Variants in WDR64 observed in about 807,000 individuals in gnomAD.
The protein encoded by WDR64 is WD repeat-containing protein 64.
Under a neutral mutation model 139.3 loss-of-function variants are expected in WDR64, and 112 were observed. The observed-to-expected ratio is 0.80, with a 90% CI of 0.69 to 0.94. The LOEUF (loss-of-function observed/expected upper bound fraction) is 0.94, where lower values mean the gene tolerates loss of function less well. WDR64 is among the 40% of genes least tolerant of loss of function. The probability of loss-of-function intolerance (pLI) is 0.00; values close to 1 mark genes in which losing one functional copy is unlikely to be tolerated. For synonymous variants in WDR64, 444 were observed against 437.7 expected, an observed-to-expected ratio of 1.01 and a Z score of -0.18; for missense variants, 1,206 against 1,293.1, an observed-to-expected ratio of 0.93 and a Z score of 1.03.
chr1:241,763,911 C>T (rs551029487), intron 15 of WDR64, among the ~76,000 whole-genome samples: 14 of 152,120 alleles, frequency 9.2e-5, no homozygotes, highest in Middle Eastern at 3.4e-3. Context: ...GCTGGGGAGA[C>T]GGGGAGGTTT....
intron 15 of WDR64, among the ~76,000 whole-genome samples, chr1:241,764,300 C>T (rs1035834314): frequency 4.6e-5 from 7 of 152,102 alleles, no homozygotes; most frequent in Non-Finnish European, 8.8e-5. Context: ...ACAGATTTGA[C>T]AGGGACAGGA....
chr1:241,674,655 C>A lies in WDR64; in HGVS notation c.391C>A (p.Arg131=). Residue 131 remains arginine, a synonymous_variant, in exon 4 of 28, where the codon CGA becomes AGA. Coordinates refer to ENST00000437684, the MANE Select transcript of WDR64 (RefSeq NM_001367482.1). ...TATGCTGTTGACAGGTAGTAGAAGA[C>A]GAGATGTGATTAAGAGCATTGTCAA... The part of the protein sequence containing the change: ...RRILISGSRR[R]DVIKSIVKIP... 6.5e-7 allele frequency: 1 copy of A among 1,546,292 alleles called. No individual in the cohort carries two copies. The highest frequency in any genetic ancestry group is 8.7e-7 in the Non-Finnish European group (1 of 1,143,148).
chr1:241,709,885 C>T (rs764943863), intron 8 of WDR64, among the ~76,000 whole-genome samples: 17 of 151,866 alleles, frequency 1.1e-4, no homozygotes, highest in Non-Finnish European at 1.9e-4. Context: ...TTGAGACAGG[C>T]GGGTTCCCCT....
chr1:241,745,362 T>G (rs1242534162), intron 13 of WDR64, among the ~76,000 whole-genome samples: 1 of 133,088 alleles, frequency 7.5e-6, no homozygotes, highest in Non-Finnish European at 1.7e-5. Flanking sequence ...GCCCTTCACG[T>G]GGATCGGTTC....
chr1:241,744,386 C>G lies in WDR64; in HGVS notation c.1471-7C>G, dbSNP rs1313020762. 4 of 1,613,484 alleles carry G rather than the reference C, an allele frequency of 2.5e-6. No homozygotes were observed. Among genetic ancestry groups the G allele is most frequent in the Non-Finnish European group, 3.4e-6 (4 of 1,179,882 alleles). ...GGATTACTTGATATTTTCGTTCTTT[C>G]CCATAGGTATGGGAACTCGAGACTG... On this transcript the variant is annotated splice_polypyrimidine_tract_variant and splice_region_variant and intron_variant, in intron 12 of 27. Transcript: ENST00000437684.
Position 241,791,166 on chromosome 1 carries a change from G to A in WDR64, c.2997+470G>A, listed in dbSNP as rs1659204692. The stretch of plus-strand genomic sequence containing the variant: ...CCAGGCATGGTGATAAGCGCCTGTA[G>A]TCCCAGCTACTCAGGAGGCTGAGGC... On this transcript the variant is annotated intron_variant, in intron 25 of 27. Transcript: ENST00000437684. Among the ~76,000 whole-genome samples the A allele has an allele frequency of 3.3e-5, 5 of 152,082 alleles. No homozygotes were observed. The South Asian group carries it at 1.0e-3, about 32-fold the overall frequency.
At chr1:241,664,149 T>C (rs1428389213) in intron 2 of WDR64, among the ~76,000 whole-genome samples, 5 of 152,250 alleles carry the variant, frequency 3.3e-5, no homozygotes, top group African/African-American at 4.8e-5. Context: ...CAGGATCTAA[T>C]CTCTATCACA....
At chr1:241,658,610 G>T (rs1396749490) in intron 1 of WDR64, among the ~76,000 whole-genome samples, 1 of 144,346 alleles carries the variant, frequency 6.9e-6, no homozygotes, top group East Asian at 2.0e-4. Context: ...CTGCACTCCA[G>T]CCTGAGTGAC....
chr1:241,674,010 A>G (rs1666355663), intron 3 of WDR64, among the ~76,000 whole-genome samples: 1 of 152,158 alleles, frequency 6.6e-6, no homozygotes, highest in South Asian at 2.1e-4. Flanking sequence ...AACGATGTTT[A>G]GAAAACGTGT....
At chr1:241,747,042 T>G (rs1176788474) in intron 13 of WDR64, among the ~76,000 whole-genome samples, 1 of 152,334 alleles carries the variant, frequency 6.6e-6, no homozygotes, top group African/African-American at 2.4e-5. Context: ...ATTACAGGCG[T>G]GAGCCACCGC....
At chr1:241,784,885 C>T (rs553221750) in intron 23 of WDR64, among the ~76,000 whole-genome samples, 6 of 128,806 alleles carry the variant, frequency 4.7e-5, no homozygotes, top group East Asian at 2.6e-4. Context: ...ACCTGGGAGG[C>T]GGAGATTGTA....
At chr1:241,660,832 T>C (rs1273527609) in intron 2 of WDR64, 172 bp downstream of exon 2, 1 of 654,414 alleles carries the variant, frequency 1.5e-6, no homozygotes, top group Non-Finnish European at 2.6e-6. Flanking sequence ...TGAAAGTGGG[T>C]AAAGTAGGTA....
intron 8 of WDR64, among the ~76,000 whole-genome samples, chr1:241,691,764 A>T (rs910914132): frequency 2.9e-4 from 44 of 152,206 alleles, no homozygotes; most frequent in Admixed American, 2.9e-3. Context: ...CTGTAATCCC[A>T]GCACTTTGGG....
chr1:241,733,979 A>C (rs1669194191), intron 10 of WDR64, among the ~76,000 whole-genome samples: 1 of 152,150 alleles, frequency 6.6e-6, no homozygotes, highest in Admixed American at 6.5e-5. Context: ...TAATACGTGA[A>C]GGGAAAGTAA....
chr1:241,764,496 TTAAA>T (rs146717737), intron 15 of WDR64, among the ~76,000 whole-genome samples: 8,226 of 152,076 alleles, frequency 0.054, 432 homozygotes, highest in East Asian at 0.26. Context: ...AAAAAAATTT[TTAAA>T]AATTTAAAAA....
intron 15 of WDR64, 81 bp from the exon 16 acceptor site, chr1:241,766,137 A>G: frequency 7.3e-7 from 1 of 1,364,576 alleles, no homozygotes; most frequent in Non-Finnish European, 9.9e-7. Flanking sequence ...AGTTGATGAC[A>G]ATTACAAAGT....
intron 1 of WDR64, among the ~76,000 whole-genome samples, chr1:241,658,182 T>G (rs2148052287): frequency 6.6e-6 from 1 of 152,280 alleles, no homozygotes; most frequent in African/African-American, 2.4e-5. Context: ...ATCTTGTCTA[T>G]ACAGTTTGAG....
intron 8 of WDR64, among the ~76,000 whole-genome samples, chr1:241,698,222 T>C (rs1667573166): frequency 6.6e-6 from 1 of 152,162 alleles, no homozygotes; most frequent in Non-Finnish European, 1.5e-5. Context: ...GGTGGCACTA[T>C]GGTCCATCCA....
intron 10 of WDR64, among the ~76,000 whole-genome samples, chr1:241,732,671 T>G (rs537646308): frequency 1.0e-3 from 157 of 151,948 alleles, no homozygotes; most frequent in Admixed American, 3.3e-3. Flanking sequence ...AATACAAAAA[T>G]TAGCCAGGCG....
Sources: allele counts gnomAD v4.1 joint callset (sites outside exome capture counted in the v4.1 genomes callset), GRCh38; gene constraint gnomAD v4.1.1; transcripts MANE v1.5; gene names NCBI Gene and HGNC (gene_info 2026-07-23, HGNC 2026-07-21).